Variants in C10orf90 observed in about 807,000 individuals in gnomAD.
C10orf90 encodes the protein chromosome 10 open reading frame 90.
Under a neutral mutation model 62.5 loss-of-function variants are expected in C10orf90, and 56 were observed. That is an observed-to-expected ratio of 0.90 (90% CI 0.72 to 1.12). The LOEUF (loss-of-function observed/expected upper bound fraction) is 1.12, where lower values mean the gene tolerates loss of function less well. Among genes scored for constraint, C10orf90 ranks in the 50% most tolerant of loss-of-function variants. The probability of loss-of-function intolerance (pLI) is 0.00; values close to 1 mark genes in which losing one functional copy is unlikely to be tolerated. For synonymous variants in C10orf90, 386 were observed against 340.4 expected (o/e 1.13, Z -1.47); for missense variants, 970 against 880.4 (o/e 1.10, Z -1.29).
At chr10:126,553,676 G>A (rs1041673411) in intron 2 of C10orf90, among the ~76,000 whole-genome samples, 1 of 152,116 alleles carries the variant, frequency 6.6e-6, no homozygotes, top group African/African-American at 2.4e-5. Context: ...AGGGGTAATA[G>A]GCTGTATCAT....
intron 2 of C10orf90, among the ~76,000 whole-genome samples, chr10:126,538,903 C>T (rs563373538): frequency 6.6e-6 from 1 of 152,328 alleles, no homozygotes; most frequent in African/African-American, 2.4e-5. Flanking sequence ...AACCCCAATG[C>T]CAAGGCACGA....
chr10:126,470,133 A>G (rs866777680), intron 4 of C10orf90: 2 of 425,596 alleles, frequency 4.7e-6, no homozygotes, highest in South Asian at 3.4e-5. Flanking sequence ...GCAGTGGAGG[A>G]AAAGGCATTC....
intron 1 of C10orf90, among the ~76,000 whole-genome samples, chr10:126,663,291 G>A (rs1195731447): frequency 6.6e-6 from 1 of 152,066 alleles, no homozygotes; most frequent in African/African-American, 2.4e-5. Flanking sequence ...TCTGTAGTTA[G>A]CTCTGAACCT....
intron 2 of C10orf90, among the ~76,000 whole-genome samples, chr10:126,600,569 C>T (rs1372852229): frequency 2.6e-5 from 4 of 152,182 alleles, no homozygotes; most frequent in Non-Finnish European, 4.4e-5. Flanking sequence ...GAGAAACCCC[C>T]TCACCCCAGC....
intron 2 of C10orf90, among the ~76,000 whole-genome samples, chr10:126,609,045 C>T (rs190355135): frequency 6.6e-6 from 1 of 152,270 alleles, no homozygotes; most frequent in East Asian, 1.9e-4. Flanking sequence ...TGGCCTTGGG[C>T]AAGAGATTTC....
At chr10:126,546,257 C>A (rs954532219) in intron 2 of C10orf90, among the ~76,000 whole-genome samples, 1 of 152,214 alleles carries the variant, frequency 6.6e-6, no homozygotes, top group African/African-American at 2.4e-5. Flanking sequence ...CCAGCAAAGG[C>A]CAGCATGCCT....
chr10:126,601,395 A>G (rs1845195369), intron 2 of C10orf90, among the ~76,000 whole-genome samples: 1 of 152,244 alleles, frequency 6.6e-6, no homozygotes, highest in African/African-American at 2.4e-5. Flanking sequence ...TTACTTAACT[A>G]TAGAAGCCAT....
chr10:126,514,628 A>G (rs1469794317), intron 2 of C10orf90, among the ~76,000 whole-genome samples: 1 of 152,184 alleles, frequency 6.6e-6, no homozygotes, highest in East Asian at 1.9e-4. Flanking sequence ...TTCTGCCTGA[A>G]TTCCTCATCC....
intron 2 of C10orf90, among the ~76,000 whole-genome samples, chr10:126,594,176 C>CA (rs990020790): frequency 6.7e-6 from 1 of 150,042 alleles, no homozygotes; most frequent in African/African-American, 2.5e-5. Flanking sequence ...TGAAAACTTC[C>CA]CTCTAGGCAC....
At chr10:126,478,631 A>G (rs1057509508) in intron 4 of C10orf90, among the ~76,000 whole-genome samples, 4 of 152,100 alleles carry the variant, frequency 2.6e-5, no homozygotes, top group Admixed American at 2.6e-4. Context: ...CCTTTTTGCC[A>G]GAGTCACTGG....
intron 2 of C10orf90, among the ~76,000 whole-genome samples, chr10:126,639,586 C>T (rs567607958): frequency 6.6e-6 from 1 of 152,234 alleles, no homozygotes; most frequent in South Asian, 2.1e-4. Flanking sequence ...CTGGACTGTC[C>T]CCCACATGTC....
chr10:126,664,422 T>C (rs1403312972), intron 1 of C10orf90, among the ~76,000 whole-genome samples: 2 of 152,146 alleles, frequency 1.3e-5, no homozygotes, highest in Admixed American at 1.3e-4. Context: ...TTATCTCTTG[T>C]AATGCCCCCA....
At chr10:126,509,791 C>T (rs1272826381) in intron 3 of C10orf90, among the ~76,000 whole-genome samples, 1 of 152,136 alleles carries the variant, frequency 6.6e-6, no homozygotes, top group Non-Finnish European at 1.5e-5. Flanking sequence ...GTGTATTAAA[C>T]CCTAGTGTCT....
intron 2 of C10orf90, among the ~76,000 whole-genome samples, chr10:126,593,484 T>C (rs1845022328): frequency 6.6e-6 from 1 of 152,056 alleles, no homozygotes; most frequent in Non-Finnish European, 1.5e-5. Context: ...GGGAACTGAA[T>C]GATGAGGACA....
intron 7 of C10orf90, among the ~76,000 whole-genome samples, chr10:126,440,639 C>T (rs1858245428): frequency 6.6e-6 from 1 of 152,184 alleles, no homozygotes; most frequent in Non-Finnish European, 1.5e-5. Context: ...GAGTCCATTT[C>T]ACTCCCCTGC....
intron 2 of C10orf90, among the ~76,000 whole-genome samples, chr10:126,548,840 T>C (rs2133975236): frequency 6.7e-6 from 1 of 150,222 alleles, no homozygotes; most frequent in Middle Eastern, 3.5e-3. Flanking sequence ...ATTAATAGAA[T>C]AGAACAGAAA....
chr10:126,628,795 C>A (rs1422921368), intron 2 of C10orf90, among the ~76,000 whole-genome samples: 4 of 152,210 alleles, frequency 2.6e-5, no homozygotes, highest in Non-Finnish European at 5.9e-5. Flanking sequence ...AGAAACCAGG[C>A]TTGCCTGCCC....
At position 126,426,074 on chromosome 10, in the gene C10orf90, G is replaced by A; in HGVS notation, c.2269C>T (p.Pro757Ser). 1.2e-6 allele frequency: 2 copies of A among 1,613,834 alleles called. No homozygotes were observed. Among genetic ancestry groups the A allele is most frequent in the South Asian group, 2.2e-5 (2 of 91,074 alleles). Residue 757 changes from proline (P) to serine (S), a missense_variant, in exon 9 of 10, where the codon CCG becomes TCG. Pro to Ser is a moderately conservative substitution (Grantham distance 74, BLOSUM62 -1). Transcript: ENST00000488181. ...TCTTCTTTTTTCTTTTTAACTTCCG[G>A]CAAGTTATCATAGATTCTGAAACAG... The part of the protein sequence containing the change: ...MRSKRIYDNL[P>S]EVKKKKEEQR...
intron 3 of C10orf90, among the ~76,000 whole-genome samples, chr10:126,508,673 G>A (rs910442666): frequency 1.3e-5 from 2 of 152,190 alleles, no homozygotes; most frequent in Non-Finnish European, 1.5e-5. Context: ...GGCCACCTGG[G>A]TCTAGCGTGG....
Sources: gnomAD v4.1 joint callset for allele counts (sites outside exome capture counted in the v4.1 genomes callset) on GRCh38, gnomAD v4.1.1 for gene constraint, MANE v1.5 for transcripts, NCBI Gene and HGNC (gene_info 2026-07-23, HGNC 2026-07-21) for gene names.